Variants in TMEM131 observed in about 807,000 individuals in gnomAD.
TMEM131 encodes the protein 2610524E03Rik.
In TMEM131, 66 loss-of-function variants were observed where a neutral mutation model predicts 211.6. That is an observed-to-expected ratio of 0.31 (90% CI 0.26 to 0.38). The LOEUF (loss-of-function observed/expected upper bound fraction) is 0.38, where lower values mean the gene tolerates loss of function less well. Ranked by LOEUF, TMEM131 falls within the 10% of genes least tolerant of loss-of-function variation. The pLI, the probability that TMEM131 is intolerant of heterozygous loss-of-function variation, is 1.00. For missense variants in TMEM131, 2,036 were observed against 2,299.3 expected, an observed-to-expected ratio of 0.89 and a Z score of 2.34; for synonymous variants, 844 against 841.3, an observed-to-expected ratio of 1.00 and a Z score of -0.06.
chr2:97,862,457 T>C (rs1240954140), intron 4 of TMEM131, among the ~76,000 whole-genome samples: 3 of 151,968 alleles, frequency 2.0e-5, no homozygotes, highest in Admixed American at 6.5e-5. Context: ...AATGGCTGTT[T>C]TGAGGAAATT....
At chr2:97,805,029 T>C in intron 22 of TMEM131, 59 bp downstream of exon 22, 1 of 1,150,784 alleles carries the variant, frequency 8.7e-7, no homozygotes, top group South Asian at 1.8e-5. Context: ...TTAGAAAGCA[T>C]TATGTTTCAA....
chr2:97,987,024 T>C (rs527254267), intron 1 of TMEM131, among the ~76,000 whole-genome samples: 2 of 152,358 alleles, frequency 1.3e-5, no homozygotes, highest in African/African-American at 2.4e-5. Flanking sequence ...GCCCTTGCCA[T>C]ACCATGAATA....
chr2:97,794,595 C>T (rs1285368263), intron 29 of TMEM131, among the ~76,000 whole-genome samples: 1 of 152,118 alleles, frequency 6.6e-6, no homozygotes, highest in Non-Finnish European at 1.5e-5. Context: ...AAAAATATTT[C>T]TAATCAGTTT....
At chr2:97,901,282 C>G (rs1675841861) in intron 3 of TMEM131, among the ~76,000 whole-genome samples, 1 of 152,122 alleles carries the variant, frequency 6.6e-6, no homozygotes, top group Non-Finnish European at 1.5e-5. Context: ...GCCCTAAAAT[C>G]TTAGCCTACA....
chr2:97,943,012 A>AAAAG lies in TMEM131; in HGVS notation c.188-15529_188-15526dup, dbSNP rs1553617797. 6.0e-3 allele frequency among the ~76,000 whole-genome samples: 415 copies of AAAAG among 69,572 alleles called. 2 individuals carry two copies. The highest frequency in any genetic ancestry group is 8.0e-3 in the Non-Finnish European group (285 of 35,484). The allele number at this position is 69,572 out of a possible 152,430, so 45.6% of individuals were successfully genotyped here. On this transcript the variant is annotated intron_variant, in intron 1 of 40. Coordinates refer to ENST00000186436, the MANE Select transcript of TMEM131 (RefSeq NM_015348.2). ...AAGAAAGAAAAGAAAGAAAAGAAAG[A>AAAAG]AAAGAAAAGAAAAGAAAAGAAAAGA... is the stretch of plus-strand genomic sequence containing the variant.
chr2:97,938,904 T>G (rs960397545), intron 1 of TMEM131, among the ~76,000 whole-genome samples: 2 of 152,242 alleles, frequency 1.3e-5, no homozygotes, highest in East Asian at 3.9e-4. Context: ...ACATGGAAAC[T>G]GAACAACCTG....
chr2:97,804,492 A>G (rs1236615455), intron 22 of TMEM131, among the ~76,000 whole-genome samples: 5 of 151,960 alleles, frequency 3.3e-5, no homozygotes, highest in Non-Finnish European at 7.4e-5. Flanking sequence ...GTGAAACCCT[A>G]TCTCTACCAA....
chr2:97,881,647 C>T (rs1674935169), intron 4 of TMEM131, among the ~76,000 whole-genome samples: 1 of 133,704 alleles, frequency 7.5e-6, no homozygotes, highest in South Asian at 2.3e-4. Context: ...TTACAACTGA[C>T]TTATCAAGAT....
Position 97,805,633 on chromosome 2 carries a change from C to A in TMEM131, c.2126G>T (p.Arg709Leu). ...FSQKVKIQQI[R>L]SLSEDVRFYY... Reference sequence around the variant, plus strand: ...AAATCGCACATCTTCTGACAAAGATCGTATTTGCTGTATTTTTACCTTCTG... The same window carrying A: ...AAATCGCACATCTTCTGACAAAGATAGTATTTGCTGTATTTTTACCTTCTG... The change falls in exon 20 of 41, where the codon CGA (arginine) becomes CTA (leucine). Residue 709 changes from arginine (R) to leucine (L), a missense_variant. Arg to Leu is a moderately radical substitution (Grantham distance 102). Coordinates refer to ENST00000186436, the MANE Select transcript of TMEM131 (RefSeq NM_015348.2). 1.9e-6 allele frequency: 3 copies of A among 1,611,160 alleles called. No individual in the cohort carries two copies. Among genetic ancestry groups the A allele is most frequent in the Non-Finnish European group, 2.5e-6 (3 of 1,177,898 alleles).
At chr2:97,873,836 C>G (rs779304215) in intron 4 of TMEM131, among the ~76,000 whole-genome samples, 3 of 152,164 alleles carry the variant, frequency 2.0e-5, no homozygotes, top group Non-Finnish European at 4.4e-5. Flanking sequence ...CACAACTCCT[C>G]GCCAGCAAGG....
chr2:97,831,621 GCTAAGTGACACTGTATAATATACTTT>G (rs1259724191), intron 11 of TMEM131, among the ~76,000 whole-genome samples: 1 of 146,260 alleles, frequency 6.8e-6, no homozygotes. Flanking sequence ...AGATGTGATT[GCTAAGTGACACTGTATAATATACTTT>G]CATGTTTCAC....
chr2:97,970,226 G>A (rs903935627), intron 1 of TMEM131, among the ~76,000 whole-genome samples: 7 of 152,148 alleles, frequency 4.6e-5, no homozygotes, highest in African/African-American at 1.7e-4. Context: ...CTCTTTTGGG[G>A]ATGGCCTTAG....
intron 33 of TMEM131, among the ~76,000 whole-genome samples, chr2:97,770,439 T>C (rs1679412496): frequency 6.6e-6 from 1 of 152,206 alleles, no homozygotes; most frequent in Non-Finnish European, 1.5e-5. Flanking sequence ...GTTCTGGTAA[T>C]GATTTATCTT....
rs1559464581 is a variant in TMEM131 at position 97,943,058 on chromosome 2, AAAGAAAGAAAGAAAG to A, written c.188-15586_188-15572del. On this transcript the variant is annotated intron_variant, in intron 1 of 40. Coordinates refer to ENST00000186436, the MANE Select transcript of TMEM131 (RefSeq NM_015348.2). ...AAAGAAAAGAAAGAAAGAAAGAAAG[AAAGAAAGAAAGAAAG>A]AAAGAAAGAAAGAAAGAAAGAAAGA... is the stretch of plus-strand genomic sequence containing the variant. Among the ~76,000 whole-genome samples the A allele has an allele frequency of 5.1e-4, 41 of 80,012 alleles. 1 individual carries two copies. Among genetic ancestry groups the A allele is most frequent in the Non-Finnish European group, 9.0e-4 (32 of 35,510 alleles). The allele number at this position is 80,012 out of a possible 152,430, so 52.5% of individuals were successfully genotyped here. A position where few individuals can be genotyped will look rare whatever the true frequency, so the allele number is the denominator to read the frequency against.
intron 11 of TMEM131, among the ~76,000 whole-genome samples, chr2:97,825,449 T>C (rs926664735): frequency 1.3e-5 from 2 of 152,096 alleles, no homozygotes; most frequent in Admixed American, 6.5e-5. Flanking sequence ...GACAAAACAG[T>C]TACGGGGGTT....
intron 5 of TMEM131, among the ~76,000 whole-genome samples, chr2:97,848,855 T>C (rs1683569391): frequency 6.6e-6 from 1 of 152,078 alleles, no homozygotes; most frequent in Non-Finnish European, 1.5e-5. Flanking sequence ...TCAAATATTA[T>C]ATAAAAAGAA....
chr2:97,761,898 G>A (rs1678871272), intron 36 of TMEM131, 137 bp downstream of exon 36: 2 of 1,007,300 alleles, frequency 2.0e-6, no homozygotes, highest in South Asian at 1.8e-5. Context: ...AGGTAAAAGG[G>A]TCCACACAAG....
At chr2:97,758,131 C>CA (rs539032323) in intron 40 of TMEM131, among the ~76,000 whole-genome samples, 1,225 of 85,788 alleles carry the variant, frequency 0.014, 9 homozygotes, top group African/African-American at 0.034. Context: ...GACTCTGTCT[C>CA]AAAAAAAAAA....
chr2:97,885,028 G>A (rs971744539), intron 4 of TMEM131, among the ~76,000 whole-genome samples: 3 of 152,090 alleles, frequency 2.0e-5, no homozygotes, highest in Non-Finnish European at 4.4e-5. Context: ...ACATTGATAC[G>A]GTTTGATTCT....
Sources: allele counts gnomAD v4.1 joint callset (sites outside exome capture counted in the v4.1 genomes callset), GRCh38; gene constraint gnomAD v4.1.1; transcripts MANE v1.5; gene names NCBI Gene and HGNC (gene_info 2026-07-23, HGNC 2026-07-21).